The following WNT3 variants were observed in gnomAD, a reference collection of about 807,000 sequenced individuals.
WNT3 encodes the protein Wnt family member 3.
A neutral mutation model predicts 34.2 loss-of-function variants in WNT3; 7 were observed. The ratio of observed to expected loss-of-function variants is 0.20; its 90% confidence interval spans 0.12 to 0.38. The LOEUF is 0.38. Ranked by LOEUF, WNT3 falls within the 10% of genes least tolerant of loss-of-function variation. WNT3 has a pLI of 1.00. For synonymous variants in WNT3, 212 were observed against 211.5 expected (o/e 1.00, Z -0.02); for missense variants, 267 against 499.8 (o/e 0.53, Z 4.44).
At chr17:46,813,759 C>T (rs2084306310) in intron 1 of WNT3, among the ~76,000 whole-genome samples, 1 of 152,190 alleles carries the variant, frequency 6.6e-6, no homozygotes, top group South Asian at 2.1e-4. Flanking sequence ...GTCTCCTGCC[C>T]AGACCAAGGA....
rs144361437 is a variant in WNT3 at position 46,793,547 on chromosome 17, A to G, written c.81-19638T>C. Among the ~76,000 whole-genome samples, 617 of 152,240 alleles carry G rather than the reference A, an allele frequency of 4.1e-3. 6 individuals carry two copies. Among genetic ancestry groups the G allele is most frequent in the African/African-American group, 0.014 (562 of 41,548 alleles). ...ACAAGGCTGGACCCACGCCCAAGGCATTGCAGGAGGAGAGGAGACCCCCGA... is the reference window on the plus strand; with the variant it reads ...ACAAGGCTGGACCCACGCCCAAGGCGTTGCAGGAGGAGAGGAGACCCCCGA... On this transcript the variant is annotated intron_variant, in intron 1 of 4. Coordinates refer to ENST00000225512, the MANE Select transcript of WNT3 (RefSeq NM_030753.5).
At chr17:46,797,297 C>T (rs953696932) in intron 1 of WNT3, among the ~76,000 whole-genome samples, 1 of 152,170 alleles carries the variant, frequency 6.6e-6, no homozygotes, top group Non-Finnish European at 1.5e-5. Context: ...AAAAGCTGTT[C>T]CAAAAACCTG....
At chr17:46,775,243 C>G (rs2146388669) in intron 1 of WNT3, among the ~76,000 whole-genome samples, 1 of 152,344 alleles carries the variant, frequency 6.6e-6, no homozygotes, top group East Asian at 1.9e-4. Flanking sequence ...GACTAGGAAA[C>G]TGAGGTTTAG....
chr17:46,779,101 A>ACACACACACACC (rs1555683652), intron 1 of WNT3, among the ~76,000 whole-genome samples: 5 of 139,976 alleles, frequency 3.6e-5, no homozygotes, highest in South Asian at 2.3e-4. Context: ...ACACACACAC[A>ACACACACACACC]CACCCCAGCC....
In WNT3 at chr17:46,779,103, A is replaced by ACACCCC. The variant is rs749719578; in HGVS notation, c.81-5195_81-5194insGGGGTG. Among the ~76,000 whole-genome samples the ACACCCC allele has an allele frequency of 1.3e-3, 171 of 133,652 alleles. 6 individuals carry two copies. In the East Asian group the frequency reaches 0.014, roughly 11 times the overall value. The allele number at this position is 133,652 out of a possible 152,430, so 87.7% of individuals were successfully genotyped here. A position where few individuals can be genotyped will look rare whatever the true frequency, so the allele number is the denominator to read the frequency against. The stretch of plus-strand genomic sequence containing the variant: ...CACACACACACACACACACACACAC[A>ACACCCC]CCCCAGCCCACTCGGCCTTCCAAAG... On this transcript the variant is annotated intron_variant, in intron 1 of 4. Coordinates refer to ENST00000225512, the MANE Select transcript of WNT3 (RefSeq NM_030753.5).
intron 1 of WNT3, among the ~76,000 whole-genome samples, chr17:46,809,121 G>A (rs1230751684): frequency 6.6e-6 from 1 of 152,130 alleles, no homozygotes; most frequent in Non-Finnish European, 1.5e-5. Context: ...TGGGGGGATC[G>A]AGGGGGTTTG....
intron 1 of WNT3, among the ~76,000 whole-genome samples, chr17:46,801,508 A>T (rs2084124482): frequency 8.2e-6 from 1 of 122,340 alleles, no homozygotes; most frequent in African/African-American, 3.1e-5. Flanking sequence ...TAATCCCAGC[A>T]ACTTGGGAGG....
intron 1 of WNT3, among the ~76,000 whole-genome samples, chr17:46,778,643 G>T (rs28375725): frequency 0.014 from 2,194 of 152,236 alleles, 53 homozygotes; most frequent in African/African-American, 0.051. Context: ...TTCGGGAGGC[G>T]GCACAGTGAC....
rs546008695 is a variant in WNT3, at chr17:46,790,482, C to T, written c.81-16573G>A. 2.6e-5 allele frequency among the ~76,000 whole-genome samples: 4 copies of T among 152,170 alleles called. No homozygotes were observed. The South Asian group carries it at 6.2e-4, about 24-fold the overall frequency. On this transcript the variant is annotated intron_variant, in intron 1 of 4. Coordinates refer to ENST00000225512, the MANE Select transcript of WNT3 (RefSeq NM_030753.5). ...CTCCCTCAAGGTTGAGAAGCACTGCCCTAGGTCACAGACAGGGCTGGGGAC... is the reference window on the plus strand; with the variant it reads ...CTCCCTCAAGGTTGAGAAGCACTGCTCTAGGTCACAGACAGGGCTGGGGAC...
At chr17:46,797,457 G>A (rs2084069396) in intron 1 of WNT3, among the ~76,000 whole-genome samples, 1 of 152,224 alleles carries the variant, frequency 6.6e-6, no homozygotes, top group Non-Finnish European at 1.5e-5. Flanking sequence ...GAAAGACGGT[G>A]AAGGCCCAAG....
At chr17:46,793,861 C>G (rs1243148365) in intron 1 of WNT3, among the ~76,000 whole-genome samples, 3 of 152,162 alleles carry the variant, frequency 2.0e-5, no homozygotes. Flanking sequence ...TGCCATCGGC[C>G]AGGAAGTGGA....
At position 46,768,003 on chromosome 17, in the gene WNT3, G is replaced by T. The variant is rs187281077; in HGVS notation, c.*8+309C>A. 9.2e-5 allele frequency among the ~76,000 whole-genome samples: 14 copies of T among 152,260 alleles called. No homozygotes were observed. The highest frequency in any genetic ancestry group is 3.4e-4 in the African/African-American group (14 of 41,536). ...GGGTTTCACCATGTTGGCCAGGCCG[G>T]TCTCGAACTCCTGACCTCAGGTGAT... is the stretch of plus-strand genomic sequence containing the variant. On this transcript the variant is annotated intron_variant, in intron 4 of 4. Coordinates refer to ENST00000225512, the MANE Select transcript of WNT3 (RefSeq NM_030753.5). This position sits in a 1 kb window ranked among gnomAD's most constrained non-coding sequence, Gnocchi z 5.0.
chr17:46,792,737 G>T (rs377407871), intron 1 of WNT3, among the ~76,000 whole-genome samples: 1 of 152,206 alleles, frequency 6.6e-6, no homozygotes, highest in Admixed American at 6.5e-5. Flanking sequence ...CTCCCAAAGC[G>T]CTGGGACTAC....
chr17:46,765,233 C>G (rs554396213), intron 4 of WNT3, among the ~76,000 whole-genome samples: 1 of 152,302 alleles, frequency 6.6e-6, no homozygotes, highest in South Asian at 2.1e-4. Flanking sequence ...ACAGGCTCAG[C>G]CAGATTGAAG....
At chr17:46,804,246 C>T (rs1359974997) in intron 1 of WNT3, among the ~76,000 whole-genome samples, 2 of 151,964 alleles carry the variant, frequency 1.3e-5, no homozygotes, top group East Asian at 3.9e-4. Flanking sequence ...TGCCACCACA[C>T]CCGGCTAATT....
At chr17:46,806,477 G>A (rs1342052682) in intron 1 of WNT3, among the ~76,000 whole-genome samples, 1 of 152,102 alleles carries the variant, frequency 6.6e-6, no homozygotes, top group Non-Finnish European at 1.5e-5. Flanking sequence ...CCAAAGTGCC[G>A]GGGTTACAGG....
intron 1 of WNT3, among the ~76,000 whole-genome samples, chr17:46,818,317 T>C (rs1419871744): frequency 7.0e-6 from 1 of 142,620 alleles, no homozygotes; most frequent in African/African-American, 2.6e-5. Context: ...GCAGGGAAAA[T>C]GGTGATTATC....
At chr17:46,785,482 G>T (rs1159131532) in intron 1 of WNT3, among the ~76,000 whole-genome samples, 1 of 152,192 alleles carries the variant, frequency 6.6e-6, no homozygotes, top group Non-Finnish European at 1.5e-5. Flanking sequence ...CTTCCCCTCC[G>T]ACAGGAGCCC....
At chr17:46,774,913 C>T (rs959269443) in intron 1 of WNT3, among the ~76,000 whole-genome samples, 1 of 152,156 alleles carries the variant, frequency 6.6e-6, no homozygotes, top group Admixed American at 6.5e-5. Flanking sequence ...GCTGTATGAC[C>T]AGGGGCAGTG....
Sources: gnomAD v4.1 joint callset for allele counts (sites outside exome capture counted in the v4.1 genomes callset) on GRCh38, gnomAD v4.1.1 for gene constraint, Gnocchi (gnomAD v3.1) non-coding constraint, MANE v1.5 for transcripts, NCBI Gene and HGNC (gene_info 2026-07-23, HGNC 2026-07-21) for gene names.